The following CDH13 variants were observed in gnomAD, a reference collection of about 807,000 sequenced individuals.
The protein encoded by CDH13 is cadherin 13.
A neutral mutation model predicts 63.8 loss-of-function variants in CDH13; 24 were observed. That is an observed-to-expected ratio of 0.38 (90% CI 0.27 to 0.53). The LOEUF (loss-of-function observed/expected upper bound fraction) is 0.53. Ranked by LOEUF, CDH13 falls within the 20% of genes least tolerant of loss-of-function variation. The pLI is 0.85. For synonymous variants in CDH13, 503 were observed against 355.3 expected (o/e 1.42, Z -4.67); for missense variants, 1,049 against 903.1 (o/e 1.16, Z -2.07).
chr16:83,439,671 C>T (rs963204846), intron 6 of CDH13, among the ~76,000 whole-genome samples: 6 of 152,160 alleles, frequency 3.9e-5, no homozygotes, highest in Non-Finnish European at 8.8e-5. Context: ...TGCATAATTA[C>T]GGAATGGCCT....
chr16:83,436,799 T>C (rs2072319391), intron 6 of CDH13, among the ~76,000 whole-genome samples: 1 of 152,244 alleles, frequency 6.6e-6, no homozygotes, highest in South Asian at 2.1e-4. Context: ...GCTGTGAATG[T>C]ATGATTTAGA....
At chr16:82,810,252 A>G (rs539656121) in intron 1 of CDH13, among the ~76,000 whole-genome samples, 1 of 152,340 alleles carries the variant, frequency 6.6e-6, no homozygotes, top group South Asian at 2.1e-4. Flanking sequence ...CAGAGATAGA[A>G]TGGGTGAGGA....
chr16:83,731,139 C>T (rs1405501680), intron 10 of CDH13, among the ~76,000 whole-genome samples: 4 of 152,174 alleles, frequency 2.6e-5, no homozygotes, highest in Admixed American at 2.6e-4. Flanking sequence ...GTGCATGTGT[C>T]TTTTTGGCAA....
At chr16:83,121,597 C>A (rs533199103) in intron 3 of CDH13, among the ~76,000 whole-genome samples, 1 of 152,170 alleles carries the variant, frequency 6.6e-6, no homozygotes, top group East Asian at 1.9e-4. Context: ...TTGGTCATAG[C>A]CTAGGAGTAT....
chr16:83,085,349 C>A lies in CDH13; in HGVS notation c.367-40036C>A, dbSNP rs144138434. Among the ~76,000 whole-genome samples, 552 of 152,268 alleles carry A rather than the reference C, an allele frequency of 3.6e-3. 6 individuals carry two copies. The highest frequency in any genetic ancestry group is 0.013 in the African/African-American group (522 of 41,558). ...AATTACCTCCCCTAGGTCCCTCCCA[C>A]AACACGTGGGAATTCTGGGAGATAC... On this transcript the variant is annotated intron_variant, in intron 3 of 13. Coordinates refer to ENST00000567109, the MANE Select transcript of CDH13 (RefSeq NM_001257.5).
intron 1 of CDH13, among the ~76,000 whole-genome samples, chr16:82,725,214 G>C (rs1814817807): frequency 6.6e-6 from 1 of 152,176 alleles, no homozygotes; most frequent in South Asian, 2.1e-4. Flanking sequence ...TTTTCCTGCT[G>C]TTTCCCTCAT....
chr16:83,258,335 A>G (rs1460111459), intron 5 of CDH13, among the ~76,000 whole-genome samples: 1 of 152,222 alleles, frequency 6.6e-6, no homozygotes, highest in Non-Finnish European at 1.5e-5. Flanking sequence ...GGCCTGCTTT[A>G]ACAGTCCTGG....
chr16:83,183,755 C>G (rs1408257053), intron 4 of CDH13, among the ~76,000 whole-genome samples: 1 of 152,184 alleles, frequency 6.6e-6, no homozygotes, highest in Non-Finnish European at 1.5e-5. Context: ...GTAGTCTAGT[C>G]TCAGACATCA....
intron 2 of CDH13, among the ~76,000 whole-genome samples, chr16:82,868,427 A>G (rs1239630646): frequency 6.6e-6 from 1 of 152,238 alleles, no homozygotes; most frequent in Non-Finnish European, 1.5e-5. Flanking sequence ...CAAATGTGAA[A>G]TACTATAATA....
intron 4 of CDH13, among the ~76,000 whole-genome samples, chr16:83,208,463 C>G (rs1338383600): frequency 6.6e-6 from 1 of 151,230 alleles, no homozygotes; most frequent in African/African-American, 2.5e-5. Context: ...TAGGTAAAGG[C>G]AACAGTGTTT....
intron 13 of CDH13, among the ~76,000 whole-genome samples, chr16:83,794,810 A>G (rs1904274519): frequency 1.3e-5 from 2 of 152,150 alleles, no homozygotes; most frequent in Admixed American, 1.3e-4. Context: ...TGAAGTCACC[A>G]TTAGCATTTT....
At chr16:82,735,075 T>C (rs1243519717) in intron 1 of CDH13, among the ~76,000 whole-genome samples, 1 of 152,182 alleles carries the variant, frequency 6.6e-6, no homozygotes, top group Non-Finnish European at 1.5e-5. Context: ...CTCTCTCTTT[T>C]GAAGGTAAAG....
intron 1 of CDH13, among the ~76,000 whole-genome samples, chr16:82,658,819 T>C (rs1439026174): frequency 3.3e-5 from 5 of 152,230 alleles, no homozygotes; most frequent in Admixed American, 3.3e-4. Context: ...TAAAAGCCCA[T>C]AGAAGAAAAC....
At chr16:83,261,894 C>A (rs551872807) in intron 5 of CDH13, among the ~76,000 whole-genome samples, 1 of 152,198 alleles carries the variant, frequency 6.6e-6, no homozygotes, top group East Asian at 1.9e-4. Context: ...CTCAAAGAGT[C>A]TTATGAGCCT....
chr16:83,646,479 T>A (rs983713408), intron 8 of CDH13, among the ~76,000 whole-genome samples: 6 of 151,976 alleles, frequency 3.9e-5, no homozygotes, highest in African/African-American at 1.5e-4. Context: ...GGTGGGTGGA[T>A]CACCTGAGGT....
intron 7 of CDH13, among the ~76,000 whole-genome samples, chr16:83,570,684 A>G (rs1904497895): frequency 1.4e-5 from 2 of 146,548 alleles, no homozygotes; most frequent in South Asian, 4.2e-4. Flanking sequence ...TATATATAAA[A>G]AAAAATTTAA....
At chr16:82,882,879 A>G (rs146425263) in intron 2 of CDH13, among the ~76,000 whole-genome samples, 5 of 152,302 alleles carry the variant, frequency 3.3e-5, no homozygotes, top group African/African-American at 1.2e-4. Flanking sequence ...AAAGGATACT[A>G]TGATTTTCTT....
At position 83,090,214 on chromosome 16, in the gene CDH13, C is replaced by G. The variant is rs115711705; in HGVS notation, c.367-35171C>G. On this transcript the variant is annotated intron_variant, in intron 3 of 13. Coordinates refer to ENST00000567109, the MANE Select transcript of CDH13 (RefSeq NM_001257.5). ...CTCAATTTCAGGCTCTTTCGTGCCT[C>G]CAGCCCAGTCTACAGCATGTTCCCT... Among the ~76,000 whole-genome samples the G allele has an allele frequency of 3.7e-3, 564 of 152,256 alleles. 2 individuals carry two copies. Among genetic ancestry groups the G allele is most frequent in the African/African-American group, 0.013 (542 of 41,568 alleles).
intron 7 of CDH13, among the ~76,000 whole-genome samples, chr16:83,579,608 G>A (rs900860689): frequency 3.9e-5 from 6 of 151,930 alleles, no homozygotes; most frequent in Non-Finnish European, 7.4e-5. Flanking sequence ...TCCCACATTG[G>A]GGATTACAAT....
Sources: gnomAD v4.1 joint callset for allele counts (sites outside exome capture counted in the v4.1 genomes callset) on GRCh38, gnomAD v4.1.1 for gene constraint, MANE v1.5 for transcripts, NCBI Gene and HGNC (gene_info 2026-07-23, HGNC 2026-07-21) for gene names.